C2CD2: variants seen among roughly 807,000 people sequenced by gnomAD.
C2CD2 encodes the protein C2 calcium dependent domain containing 2, also known as C2 domain-containing protein 2.
Under a neutral mutation model 74.3 loss-of-function variants are expected in C2CD2, and 43 were observed. The ratio of observed to expected loss-of-function variants is 0.58; its 90% CI spans 0.45 to 0.75. C2CD2 has a LOEUF of 0.75. Among genes scored for constraint, C2CD2 ranks in the 30% least tolerant of loss-of-function variants. The pLI is 0.00. For synonymous variants in C2CD2, 422 were observed against 390.7 expected (o/e 1.08, Z -0.94); for missense variants, 801 against 916.3 (o/e 0.87, Z 1.63).
rs527667530 is a variant in C2CD2 at position 41,909,580 on chromosome 21, T to C, written c.954-57A>G. On this transcript the variant is annotated intron_variant, in intron 7 of 13. Coordinates refer to ENST00000380486, the MANE Select transcript of C2CD2 (RefSeq NM_015500.2). The stretch of plus-strand genomic sequence containing the variant: ...AAAATGCAATGCTTGATTCTTTTTA[T>C]GAAATAGAGTGTTTTTTCTGATTAT... The C allele has an allele frequency of 4.0e-5, 44 of 1,113,212 alleles. No homozygotes were observed. The East Asian group carries it at 9.8e-4, about 25-fold the overall frequency. The allele number at this position is 1,113,212 out of a possible 1,614,324, so 69.0% of individuals were successfully genotyped here.
intron 4 of C2CD2, 117 bp from the exon 5 acceptor site, chr21:41,918,344 G>T: frequency 9.0e-7 from 1 of 1,115,328 alleles, no homozygotes; most frequent in Non-Finnish European, 1.3e-6. Flanking sequence ...ATTACCTTCA[G>T]ATTTTAGCTC....
At chr21:41,947,141 C>CTCTCTCTCTCTCTCTCTCTCTGTCTCTCT (rs1569084407) in intron 1 of C2CD2, among the ~76,000 whole-genome samples, 1 of 20,142 alleles carries the variant, frequency 5.0e-5, no homozygotes, top group African/African-American at 2.3e-4. Context: ...TCTCTCTCTC[C>CTCTCTCTCTCTCTCTCTCTCTGTCTCTCT]CTCCCTCCCT....
chr21:41,943,994 C>A lies in C2CD2; in HGVS notation c.280-1749G>T, dbSNP rs192812540. Among the ~76,000 whole-genome samples the A allele has an allele frequency of 5.3e-4, 80 of 152,242 alleles. 1 individual carries two copies. Among genetic ancestry groups the A allele is most frequent in the Non-Finnish European group, 8.4e-4 (57 of 68,020 alleles). ...CGGTTCTGTGCACCAGGCTCTCTGG[C>A]CTGAGAGAACAGAACCCAGCACAGA... On this transcript the variant is annotated intron_variant, in intron 1 of 13. Transcript: ENST00000380486.
chr21:41,942,580 G>A (rs1569082407), intron 1 of C2CD2, among the ~76,000 whole-genome samples: 1 of 152,320 alleles, frequency 6.6e-6, no homozygotes, highest in East Asian at 1.9e-4. Flanking sequence ...ACAGACTCTT[G>A]GGGCAGGGCT....
chr21:41,914,662 A>T lies in C2CD2; in HGVS notation c.780T>A (p.Ala260=). ...QESCPPKPPR[A]HELKLLVRNI... ...TCCTCACCAGTAGCTTCAGCTCGTG[A>T]GCCCTTGGAGGTTTAGGAGGACAGG... Residue 260 remains alanine (A), a synonymous_variant, in exon 6 of 14, where the codon GCT becomes GCA. Coordinates refer to ENST00000380486, the MANE Select transcript of C2CD2 (RefSeq NM_015500.2). The T allele has an allele frequency of 6.2e-7, 1 of 1,613,828 alleles. No homozygotes were observed. The highest frequency in any genetic ancestry group is 8.5e-7 in the Non-Finnish European group (1 of 1,179,724).
chr21:41,905,143 C>T (rs1038138596), intron 11 of C2CD2, among the ~76,000 whole-genome samples: 1 of 152,054 alleles, frequency 6.6e-6, no homozygotes, highest in Admixed American at 6.5e-5. Context: ...GAAAAATGAA[C>T]AGAAAATTTA....
intron 5 of C2CD2, among the ~76,000 whole-genome samples, chr21:41,916,000 G>A (rs2065086354): frequency 1.3e-5 from 2 of 151,972 alleles, no homozygotes; most frequent in South Asian, 2.1e-4. Context: ...GCACTTCTTC[G>A]GGGGAATGCT....
In C2CD2 at chr21:41,942,191, C is replaced by T. The variant is rs751413822; in HGVS notation, c.334G>A (p.Val112Met). The T allele has an allele frequency of 1.3e-6, 2 of 1,549,536 alleles. No individual in the cohort carries two copies. The highest frequency in any genetic ancestry group is 1.7e-6 in the Non-Finnish European group (2 of 1,146,822). Residue 112 changes from valine (V) to methionine (M), a missense_variant, in exon 2 of 14, where the codon GTG (valine) becomes ATG (methionine). Coordinates refer to ENST00000380486, the MANE Select transcript of C2CD2 (RefSeq NM_015500.2). ...EDPRQQALEL[V>M]VQEVSSVLRS... is the part of the protein sequence containing the mutation. ...AGCACGCTGGAGACCTCCTGCACCA[C>T]CAGCTCCAGTGCCTGCTGCCGCGGG...
chr21:41,902,725 G>A (rs1416642179), intron 11 of C2CD2, among the ~76,000 whole-genome samples: 1 of 152,142 alleles, frequency 6.6e-6, no homozygotes, highest in Non-Finnish European at 1.5e-5. Context: ...AAGAACCGGT[G>A]ACAACAGTGA....
rs756417206 is a variant in C2CD2, at chr21:41,889,268, T to G, written c.1947A>C (p.Ser649=). The change falls in exon 14 of 14, where the codon TCA becomes TCC. Residue 649 remains serine, a synonymous_variant. Transcript: ENST00000380486. ...GCTCCAGGAACACAAGGTCATTGTG[T>G]GACTGACTCATGCCTGGGTCTTTCT... ...HQQKDPGMSQ[S]HNDLVFLEQP... 2.2e-5 allele frequency: 36 copies of G among 1,613,988 alleles called. No homozygotes were observed. The highest frequency in any genetic ancestry group is 3.0e-5 in the Non-Finnish European group (35 of 1,180,022).
intron 5 of C2CD2, 146 bp from the exon 6 acceptor site, chr21:41,914,867 G>C: frequency 1.6e-6 from 1 of 610,148 alleles, no homozygotes; most frequent in Non-Finnish European, 2.8e-6. Context: ...TCTGGGATCT[G>C]CTCTGAAACA....
chr21:41,926,684 G>A lies in C2CD2; in HGVS notation c.379-4599C>T. Reference sequence around the variant, plus strand: ...ACTGTTCACCAACAAGAGAGCCCCTGAGTCTTCAGATCTCACTGTGCCCTT... The same window carrying A: ...ACTGTTCACCAACAAGAGAGCCCCTAAGTCTTCAGATCTCACTGTGCCCTT... On this transcript the variant is annotated intron_variant, in intron 2 of 13. Coordinates refer to ENST00000380486, the MANE Select transcript of C2CD2 (RefSeq NM_015500.2). This position sits in a 1 kb window ranked among gnomAD's most constrained non-coding sequence, Gnocchi z 8.0. The A allele has an allele frequency of 1.1e-6, 1 of 951,856 alleles. No homozygotes were observed. The highest frequency in any genetic ancestry group is 1.3e-6 in the Non-Finnish European group (1 of 799,406). The allele number at this position is 951,856 out of a possible 1,614,324, so 59.0% of individuals were successfully genotyped here.
intron 1 of C2CD2, among the ~76,000 whole-genome samples, chr21:41,943,893 C>T (rs1264385387): frequency 1.3e-5 from 2 of 152,338 alleles, no homozygotes; most frequent in African/African-American, 2.4e-5. Context: ...GGCTGCTCTG[C>T]TGGCATTCTC....
In C2CD2 at chr21:41,953,494, G is replaced by A. The variant is rs1446937137; in HGVS notation, c.155C>T (p.Pro52Leu). 2 of 1,483,644 alleles carry A rather than the reference G, an allele frequency of 1.3e-6. No homozygotes were observed. The highest frequency in any genetic ancestry group is 2.3e-5 in the Admixed American group (1 of 43,792). The allele number at this position is 1,483,644 out of a possible 1,614,324, so 91.9% of individuals were successfully genotyped here. A position where few individuals can be genotyped will look rare whatever the true frequency, so the allele number is the denominator to read the frequency against. The change falls in exon 1 of 14, where the codon CCT becomes CTT. Residue 52 changes from proline to leucine, a missense_variant. By Grantham distance (98) the Pro-to-Leu change is moderately conservative (BLOSUM62 -3). Transcript: ENST00000380486. Reference sequence around the variant, plus strand: ...GGACCCCGGGCGCGGCCCCTCTCCAGGCTCCACCGCCCGCCGCTGGGGCTG... The same window carrying A: ...GGACCCCGGGCGCGGCCCCTCTCCAAGCTCCACCGCCCGCCGCTGGGGCTG... ...RPQPQRRAVE[P>L]GEGPRPGSDA...
intron 2 of C2CD2, among the ~76,000 whole-genome samples, chr21:41,927,526 G>C (rs1044240286): frequency 6.6e-6 from 1 of 151,990 alleles, no homozygotes; most frequent in South Asian, 2.1e-4. Flanking sequence ...GCTGGAGTGT[G>C]GTGGCAGGAT....
rs182172253 is a variant in C2CD2 at position 41,944,368 on chromosome 21, A to C, written c.280-2123T>G. On this transcript the variant is annotated intron_variant, in intron 1 of 13. Coordinates refer to ENST00000380486, the MANE Select transcript of C2CD2 (RefSeq NM_015500.2). ...CCTATTAAAAATACACACACACAAA[A>C]AAAATTAGCCAGGCGTGGTGGCAGG... Among the ~76,000 whole-genome samples, 493 of 151,998 alleles carry C rather than the reference A, an allele frequency of 3.2e-3. 1 individual carries two copies. The highest frequency in any genetic ancestry group is 0.01 in the African/African-American group (422 of 41,466).
At chr21:41,908,256 T>TGTGTGTGTGTGTGTGTGTGTGG in intron 8 of C2CD2, 1 of 183,786 alleles carries the variant, frequency 5.4e-6, no homozygotes. Context: ...TGTGTGTGTG[T>TGTGTGTGTGTGTGTGTGTGTGG]GTGTGTAAAA....
At chr21:41,911,615 C>A (rs187686369) in intron 7 of C2CD2, among the ~76,000 whole-genome samples, 2 of 151,806 alleles carry the variant, frequency 1.3e-5, no homozygotes, top group African/African-American at 2.4e-5. Context: ...AGGTTGGTCT[C>A]GAACTCCTGA....
At chr21:41,916,664 T>TACACACAC (rs10580778) in intron 5 of C2CD2, among the ~76,000 whole-genome samples, 9 of 144,754 alleles carry the variant, frequency 6.2e-5, no homozygotes, top group East Asian at 4.1e-4. Context: ...GTGAGCTGAT[T>TACACACAC]ACACACACAC....
Sources: gnomAD v4.1 joint callset for allele counts (sites outside exome capture counted in the v4.1 genomes callset) on GRCh38, gnomAD v4.1.1 for gene constraint, Gnocchi (gnomAD v3.1) non-coding constraint, MANE v1.5 for transcripts, NCBI Gene and HGNC (gene_info 2026-07-23, HGNC 2026-07-21) for gene names.